The following KYAT3 variants were observed in gnomAD, a reference collection of about 807,000 sequenced individuals.
The protein encoded by KYAT3 is kynurenine--oxoglutarate transaminase 3.
Under a neutral mutation model 59.0 loss-of-function variants are expected in KYAT3, and 50 were observed. The observed-to-expected ratio is 0.85, with a 90% CI of 0.68 to 1.07. KYAT3 has a LOEUF of 1.07. Ranked by LOEUF, KYAT3 falls within the 50% of genes least tolerant of loss-of-function variation. The probability of loss-of-function intolerance (pLI) is 0.00; values close to 1 mark genes in which losing one functional copy is unlikely to be tolerated. For missense variants in KYAT3, 497 were observed against 533.3 expected (o/e 0.93, Z 0.67); for synonymous variants, 148 against 177.0 (o/e 0.84, Z 1.30).
chr1:88,968,822 T>A lies in KYAT3; in HGVS notation c.159-8A>T, dbSNP rs767267395. ...AATTTGGTAAATTCAATCCTAAGAT[T>A]GAAAAAAATACTAATATTAATAAGT... On this transcript the variant is annotated splice_region_variant and splice_polypyrimidine_tract_variant and intron_variant, in intron 3 of 13. Transcript: ENST00000260508. 6.4e-7 allele frequency: 1 copy of A among 1,566,194 alleles called. No homozygotes were observed. Among genetic ancestry groups the A allele is most frequent in the Non-Finnish European group, 8.6e-7 (1 of 1,163,776 alleles).
intron 3 of KYAT3, 105 bp downstream of exon 3, chr1:88,969,304 A>G: frequency 2.8e-6 from 2 of 704,150 alleles, no homozygotes; most frequent in Non-Finnish European, 5.1e-6. Context: ...TTAAATGAGG[A>G]CCTTTATTTA....
At chr1:88,949,515 A>G (rs77951676) in intron 10 of KYAT3, among the ~76,000 whole-genome samples, 2,634 of 152,302 alleles carry the variant, frequency 0.017, 42 homozygotes, top group South Asian at 0.042. Flanking sequence ...TGAAAATTCA[A>G]ATTGAAAAAG....
rs1026662190 is a variant in KYAT3 at position 88,945,844 on chromosome 1, T to C, written c.1142-2421A>G. Among the ~76,000 whole-genome samples the C allele has an allele frequency of 4.6e-5, 7 of 152,202 alleles. No homozygotes were observed. The South Asian group carries it at 6.2e-4, about 13-fold the overall frequency. ...AAAACAAAACATAAATTTCTTTATA[T>C]GTAGGAAGGTTTTGTGGACATTAAC... is the stretch of plus-strand genomic sequence containing the variant. On this transcript the variant is annotated intron_variant, in intron 11 of 13. Transcript: ENST00000260508.
At chr1:88,972,819 G>A (rs1676602688) in intron 2 of KYAT3, among the ~76,000 whole-genome samples, 1 of 152,226 alleles carries the variant, frequency 6.6e-6, no homozygotes, top group African/African-American at 2.4e-5. Flanking sequence ...GCAAGGAAAT[G>A]TAACTGTCCA....
intron 2 of KYAT3, among the ~76,000 whole-genome samples, chr1:88,986,681 C>A (rs1677477369): frequency 6.6e-6 from 1 of 152,234 alleles, no homozygotes; most frequent in African/African-American, 2.4e-5. Flanking sequence ...CAGGAAAATA[C>A]AGCCTATCCT....
chr1:88,969,816 G>T (rs368179900), intron 2 of KYAT3, among the ~76,000 whole-genome samples: 11 of 151,968 alleles, frequency 7.2e-5, no homozygotes, highest in African/African-American at 1.7e-4. Flanking sequence ...TATTTTTTTT[G>T]TTGTTGTTTG....
At chr1:88,950,010 C>T (rs1675609891) in intron 10 of KYAT3, among the ~76,000 whole-genome samples, 1 of 152,086 alleles carries the variant, frequency 6.6e-6, no homozygotes, top group Non-Finnish European at 1.5e-5. Context: ...GGGTAGAGCC[C>T]TCAGGAACAG....
At chr1:88,990,445 C>T (rs1225594399) in intron 1 of KYAT3, among the ~76,000 whole-genome samples, 1 of 152,176 alleles carries the variant, frequency 6.6e-6, no homozygotes, top group African/African-American at 2.4e-5. Flanking sequence ...TCAGTTTTGA[C>T]CTTCATATTG....
At chr1:88,962,874 G>C (rs1676198796) in intron 5 of KYAT3, among the ~76,000 whole-genome samples, 1 of 152,120 alleles carries the variant, frequency 6.6e-6, no homozygotes, top group African/African-American at 2.4e-5. Flanking sequence ...TACAAGGTGA[G>C]AGCACAATAA....
intron 7 of KYAT3, 44 bp downstream of exon 7, chr1:88,961,337 A>G (rs756137479): frequency 5.6e-5 from 90 of 1,613,600 alleles, no homozygotes; most frequent in Non-Finnish European, 7.4e-5. Flanking sequence ...CATGTGAGAA[A>G]ATGATAGGTC....
chr1:88,970,849 C>T (rs1422377180), intron 2 of KYAT3, among the ~76,000 whole-genome samples: 1 of 151,996 alleles, frequency 6.6e-6, no homozygotes, highest in African/African-American at 2.4e-5. Flanking sequence ...GGGAAGATAA[C>T]GATAATGGTT....
chr1:88,984,204 CTTTTTTTTTTT>C (rs908183722), intron 2 of KYAT3: 7 of 81,756 alleles, frequency 8.6e-5, no homozygotes, highest in Admixed American at 5.1e-4. Flanking sequence ...TTTTTTGTTG[CTTTTTTTTTTT>C]TTTTTTTTTT....
At chr1:88,936,276 A>T in intron 13 of KYAT3, 31 bp from the exon 14 acceptor site, 3 of 1,398,776 alleles carry the variant, frequency 2.1e-6, no homozygotes, top group Non-Finnish European at 3.0e-6. Flanking sequence ...CATCATTATT[A>T]CAGATATACA....
At chr1:88,983,018 C>G in intron 2 of KYAT3, 1 of 1,612,938 alleles carries the variant, frequency 6.2e-7, no homozygotes, top group Non-Finnish European at 8.5e-7. Flanking sequence ...TGAATAGTCA[C>G]GATCACGACC....
In KYAT3 at chr1:88,968,702, T is replaced by C; in HGVS notation, c.271A>G (p.Ile91Val). 1 of 1,594,628 alleles carries C rather than the reference T, an allele frequency of 6.3e-7. No individual in the cohort carries two copies. Reference sequence around the variant, plus strand: ...CGTGTATACTGATTCAGGCTATCGATTGCTGCAATCTTTGATAATTCTTCT... The same window carrying C: ...CGTGTATACTGATTCAGGCTATCGACTGCTGCAATCTTTGATAATTCTTCT... The part of the protein sequence containing the change: ...VKEELSKIAA[I>V]DSLNQYTRGF... Residue 91 changes from isoleucine to valine, a missense_variant, in exon 4 of 14, where the codon ATC becomes GTC. By Grantham distance (29) the Ile-to-Val change is conservative. This residue lies in a region of KYAT3 where 469 missense variants were observed against 479.1 expected (regional missense o/e 0.98). Coordinates refer to ENST00000260508, the MANE Select transcript of KYAT3 (RefSeq NM_001008661.3).
intron 11 of KYAT3, among the ~76,000 whole-genome samples, chr1:88,943,663 C>T (rs1047097686): frequency 1.3e-5 from 2 of 152,130 alleles, no homozygotes; most frequent in Non-Finnish European, 2.9e-5. Context: ...GGTGATTAGG[C>T]TTATACGTGC....
downstream of KYAT3, among the ~76,000 whole-genome samples, chr1:88,933,113 C>T (rs1036311927): frequency 6.6e-6 from 1 of 152,190 alleles, no homozygotes; most frequent in Admixed American, 6.5e-5. Flanking sequence ...TTTCTGACCA[C>T]ACTACTGTAA....
chr1:88,964,645 G>A, intron 5 of KYAT3, 184 bp downstream of exon 5: 1 of 583,336 alleles, frequency 1.7e-6, no homozygotes, highest in South Asian at 1.8e-5. Flanking sequence ...TAGTTGCACA[G>A]AAATTTACAC....
chr1:88,922,382 C>T, the KYAT3 span, among the ~76,000 whole-genome samples: 1 of 152,154 alleles, frequency 6.6e-6, no homozygotes, highest in Admixed American at 6.5e-5. Flanking sequence ...TTTTAAATCA[C>T]TTCAGACAGG....
Sources: gnomAD v4.1 joint callset for allele counts (sites outside exome capture counted in the v4.1 genomes callset) on GRCh38, gnomAD v4.1.1 for gene constraint, gnomAD v4.1.1 regional missense constraint, MANE v1.5 for transcripts, NCBI Gene and HGNC (gene_info 2026-07-23, HGNC 2026-07-21) for gene names.